Variants in TRAP1 observed in about 807,000 individuals in gnomAD.
TRAP1 encodes the protein heat shock protein 75 kDa, mitochondrial.
In TRAP1, 102 loss-of-function variants were observed where a neutral mutation model predicts 89.1. The ratio of observed to expected loss-of-function variants is 1.15; its 90% CI spans 0.98 to 1.35. The LOEUF (loss-of-function observed/expected upper bound fraction) is 1.35, where lower values mean the gene tolerates loss of function less well. Among genes scored for constraint, TRAP1 ranks in the 40% most tolerant of loss-of-function variants. TRAP1 has a pLI of 0.00. For missense variants in TRAP1, 1,256 were observed against 945.3 expected (o/e 1.33, Z -4.31); for synonymous variants, 508 against 388.0 (o/e 1.31, Z -3.64).
intron 1 of TRAP1, among the ~76,000 whole-genome samples, chr16:3,708,916 C>T (rs1481483956): frequency 5.3e-5 from 8 of 150,680 alleles, no homozygotes; most frequent in African/African-American, 1.7e-4. Flanking sequence ...CCTGGGTTCA[C>T]GGCATTCTCC....
At chr16:3,712,630 CAG>C (rs746448361) in intron 1 of TRAP1, among the ~76,000 whole-genome samples, 79 of 152,280 alleles carry the variant, frequency 5.2e-4, no homozygotes, top group Non-Finnish European at 9.7e-4. Flanking sequence ...GTTTCCAAGA[CAG>C]AGTCTTGCAC....
At chr16:3,663,123 AG>A in intron 14 of TRAP1, 156 bp from the exon 15 acceptor site, 1 of 680,408 alleles carries the variant, frequency 1.5e-6, no homozygotes, top group East Asian at 2.7e-5. Context: ...AAAACCTCAA[AG>A]GATGCTTCAG....
intron 10 of TRAP1, 65 bp from the exon 11 acceptor site, chr16:3,671,856 T>G: frequency 2.0e-6 from 3 of 1,537,640 alleles, no homozygotes; most frequent in Non-Finnish European, 2.7e-6. Flanking sequence ...ACATTCCCCA[T>G]TAACCTGCCC....
At position 3,682,832 on chromosome 16, in the gene TRAP1, C is replaced by A. The variant is rs535189876; in HGVS notation, c.472-3042G>T. ...CCCTGATAGCACCAATGCACCCCAA[C>A]CTGGAGACGGAAGAAGATCCTGACT... On this transcript the variant is annotated intron_variant, in intron 4 of 17. Coordinates refer to ENST00000246957, the MANE Select transcript of TRAP1 (RefSeq NM_016292.3). Among the ~76,000 whole-genome samples, 4 of 152,006 alleles carry A rather than the reference C, an allele frequency of 2.6e-5. No individual in the cohort carries two copies. The East Asian group carries it at 5.8e-4, about 22-fold the overall frequency.
At chr16:3,676,410 C>T (rs1034155697) in intron 6 of TRAP1, 26 of 257,254 alleles carry the variant, frequency 1.0e-4, no homozygotes, top group Admixed American at 3.3e-4. Context: ...CCCTGGGCTT[C>T]GAAGAAGCTT....
intron 1 of TRAP1, among the ~76,000 whole-genome samples, chr16:3,715,911 G>A (rs976867095): frequency 6.6e-6 from 1 of 152,216 alleles, no homozygotes; most frequent in Admixed American, 6.5e-5. Context: ...CGCCCAGGCT[G>A]GAGTGCAGTG....
At chr16:3,681,704 T>TA (rs2051075484) in intron 4 of TRAP1, among the ~76,000 whole-genome samples, 1 of 152,214 alleles carries the variant, frequency 6.6e-6, no homozygotes. Context: ...GAAACTTAAA[T>TA]AGAGTCCTTA....
intron 4 of TRAP1, among the ~76,000 whole-genome samples, chr16:3,683,057 A>T (rs1021108052): frequency 6.6e-6 from 1 of 151,876 alleles, no homozygotes; most frequent in African/African-American, 2.4e-5. Flanking sequence ...AATCCCAGCT[A>T]CTCGAGAGAC....
chr16:3,714,614 G>A (rs2051573661), intron 1 of TRAP1, among the ~76,000 whole-genome samples: 1 of 152,142 alleles, frequency 6.6e-6, no homozygotes, highest in Non-Finnish European at 1.5e-5. Flanking sequence ...AGCTGAGGTT[G>A]CACCACTGCA....
intron 1 of TRAP1, among the ~76,000 whole-genome samples, chr16:3,702,615 G>A (rs1471709704): frequency 2.6e-5 from 4 of 151,568 alleles, no homozygotes; most frequent in South Asian, 2.1e-4. Flanking sequence ...ATGGTGACAC[G>A]CACCTGTAGT....
chr16:3,666,729 A>T (rs2050836892), intron 11 of TRAP1, among the ~76,000 whole-genome samples: 1 of 152,236 alleles, frequency 6.6e-6, no homozygotes, highest in Non-Finnish European at 1.5e-5. Flanking sequence ...CATTAGGAGC[A>T]GCACTGTATA....
chr16:3,715,569 A>C (rs956538180), intron 1 of TRAP1, among the ~76,000 whole-genome samples: 1 of 152,226 alleles, frequency 6.6e-6, no homozygotes, highest in Admixed American at 6.5e-5. Flanking sequence ...TGTGGACGCG[A>C]GACCACAAAC....
chr16:3,716,300 C>T (rs1457660273), intron 1 of TRAP1, among the ~76,000 whole-genome samples: 1 of 152,182 alleles, frequency 6.6e-6, no homozygotes, highest in Non-Finnish European at 1.5e-5. Context: ...TATCTGCTAA[C>T]ATTTCAAAAA....
Position 3,717,385 on chromosome 16 carries a change from G to A in TRAP1, c.88+36C>T, listed in dbSNP as rs887915706. On this transcript the variant is annotated intron_variant, in intron 1 of 17. Transcript: ENST00000246957. The stretch of plus-strand genomic sequence containing the variant: ...ACGTCCCTGCCGTCTCCGTGGCCCG[G>A]CCCGCCCGCTGCCCGTCCAGCCAGG... 79 of 928,568 alleles carry A rather than the reference G, an allele frequency of 8.5e-5. No individual in the cohort carries two copies. In the African/African-American group the frequency reaches 1.1e-3, roughly 13 times the overall value. The allele number at this position is 928,568 out of a possible 1,614,324, so 57.5% of individuals were successfully genotyped here. A position where few individuals can be genotyped will look rare whatever the true frequency, so the allele number is the denominator to read the frequency against.
intron 11 of TRAP1, among the ~76,000 whole-genome samples, chr16:3,669,683 A>T (rs917592984): frequency 1.3e-5 from 2 of 151,762 alleles, no homozygotes; most frequent in Non-Finnish European, 2.9e-5. Flanking sequence ...ATATACAAAA[A>T]ATTAGCTGGG....
At chr16:3,673,442 G>C (rs568554045) in intron 9 of TRAP1, among the ~76,000 whole-genome samples, 1 of 152,314 alleles carries the variant, frequency 6.6e-6, no homozygotes, top group African/African-American at 2.4e-5. Flanking sequence ...CTCCACACTG[G>C]TACTTCCCGA....
At chr16:3,668,696 G>C (rs1057447418) in intron 11 of TRAP1, among the ~76,000 whole-genome samples, 4 of 152,294 alleles carry the variant, frequency 2.6e-5, no homozygotes, top group Admixed American at 1.3e-4. Context: ...CTGCTCTGCA[G>C]CTTCGGGCAC....
intron 13 of TRAP1, chr16:3,663,870 G>A (rs1042879245): frequency 1.8e-4 from 69 of 388,170 alleles, no homozygotes; most frequent in Non-Finnish European, 4.7e-5. Flanking sequence ...TCAGGAGTTC[G>A]AGACCAACAT....
At position 3,710,881 on chromosome 16, in the gene TRAP1, T is replaced by TATA. The variant is rs1567248386; in HGVS notation, c.88+6539_88+6540insTAT. On this transcript the variant is annotated intron_variant, in intron 1 of 17. Transcript: ENST00000246957. ...TGTATATATATATATATATATATATTTTTTTTTTTGAGACACTGTCACTCT... is the reference window on the plus strand; with the variant it reads ...TGTATATATATATATATATATATATTATATTTTTTTTTGAGACACTGTCACTCT... 3.5e-4 allele frequency among the ~76,000 whole-genome samples: 47 copies of TATA among 133,040 alleles called. No individual in the cohort carries two copies. The East Asian group carries it at 4.7e-3, about 13-fold the overall frequency. The allele number at this position is 133,040 out of a possible 152,430, so 87.3% of individuals were successfully genotyped here. A position where few individuals can be genotyped will look rare whatever the true frequency, so the allele number is the denominator to read the frequency against.
Sources: gnomAD v4.1 joint callset for allele counts (sites outside exome capture counted in the v4.1 genomes callset) on GRCh38, gnomAD v4.1.1 for gene constraint, MANE v1.5 for transcripts, NCBI Gene and HGNC (gene_info 2026-07-23, HGNC 2026-07-21) for gene names.